BCAS3: variants seen among roughly 807,000 people sequenced by gnomAD.
BCAS3 encodes the protein BCAS4/BCAS3 fusion.
BCAS3 carries 53 observed loss-of-function variants against 116.1 expected under a neutral mutation model. The observed-to-expected ratio is 0.46, with a 90% CI of 0.37 to 0.57. The LOEUF is 0.57. Among genes scored for constraint, BCAS3 ranks in the 20% least tolerant of loss-of-function variants. The probability of loss-of-function intolerance (pLI) is 0.00; values close to 1 mark genes in which losing one functional copy is unlikely to be tolerated. For synonymous variants in BCAS3, 391 were observed against 408.2 expected (o/e 0.96, Z 0.51); for missense variants, 917 against 1,165.4 (o/e 0.79, Z 3.10).
intron 13 of BCAS3, among the ~76,000 whole-genome samples, chr17:60,941,295 G>A (rs1258855453): frequency 1.3e-5 from 2 of 152,138 alleles, no homozygotes; most frequent in African/African-American, 4.8e-5. Context: ...TTGGGGCGTG[G>A]GTTTAGTTTA....
At chr17:60,821,033 G>A (rs1302610767) in intron 7 of BCAS3, among the ~76,000 whole-genome samples, 3 of 152,090 alleles carry the variant, frequency 2.0e-5, no homozygotes, top group Non-Finnish European at 4.4e-5. Context: ...TGCAACCTCC[G>A]CCTCCCGGGT....
At chr17:60,863,444 G>A (rs1402911493) in intron 7 of BCAS3, among the ~76,000 whole-genome samples, 1 of 151,920 alleles carries the variant, frequency 6.6e-6, no homozygotes, top group Non-Finnish European at 1.5e-5. Context: ...TGGTTTCCCA[G>A]TGCATATAAA....
In BCAS3 at chr17:60,683,842, AAAACAAAAC is replaced by A. The variant is rs534497379; in HGVS notation, c.84-131_84-123del. 3,691 of 762,496 alleles carry A rather than the reference AAAACAAAAC, an allele frequency of 4.8e-3. 14 individuals are homozygous for A. Among genetic ancestry groups the A allele is most frequent in the Non-Finnish European group, 6.5e-3 (3,083 of 474,510 alleles). 47.2% of individuals were successfully genotyped at this position (762,496 alleles called of 1,614,324 possible). ...GTGAAACCTTGTCTCAAAACAAAAC[AAAACAAAAC>A]AAACAAAAAAACCCCAAAAAACAAA... is the stretch of plus-strand genomic sequence containing the variant. On this transcript the variant is annotated intron_variant, in intron 2 of 23. Coordinates refer to ENST00000407086, the MANE Select transcript of BCAS3 (RefSeq NM_017679.5).
intron 13 of BCAS3, among the ~76,000 whole-genome samples, chr17:60,936,668 T>G (rs1218314580): frequency 2.6e-5 from 4 of 152,362 alleles, no homozygotes; most frequent in South Asian, 2.1e-4. Flanking sequence ...TTTTGAGAAG[T>G]GTCTGTTCAT....
chr17:61,262,996 A>G (rs7208867), intron 22 of BCAS3, among the ~76,000 whole-genome samples: 19,953 of 152,232 alleles, frequency 0.13, 2,211 homozygotes, highest in African/African-American at 0.31. Context: ...CTGGCCCAGG[A>G]GACTTAATAT....
intron 6 of BCAS3, among the ~76,000 whole-genome samples, chr17:60,778,400 T>C (rs1416840307): frequency 2.0e-5 from 3 of 152,220 alleles, no homozygotes; most frequent in Non-Finnish European, 4.4e-5. Flanking sequence ...ATTCATATGC[T>C]TGTTTCAATT....
At chr17:60,998,190 T>C (rs779259080) in intron 15 of BCAS3, among the ~76,000 whole-genome samples, 12 of 152,222 alleles carry the variant, frequency 7.9e-5, no homozygotes, top group Non-Finnish European at 1.2e-4. Context: ...TCTTTTTTTA[T>C]GGCTGCATAG....
At chr17:60,702,588 A>G (rs924556976) in intron 4 of BCAS3, among the ~76,000 whole-genome samples, 5 of 152,030 alleles carry the variant, frequency 3.3e-5, no homozygotes, top group African/African-American at 1.2e-4. Flanking sequence ...TAAAAAAGAA[A>G]AGGAATTTTT....
chr17:60,678,066 C>T (rs1264522713), intron 1 of BCAS3, among the ~76,000 whole-genome samples, 152 bp downstream of exon 1: 1 of 152,086 alleles, frequency 6.6e-6, no homozygotes. Context: ...GGCCGGAGGG[C>T]GGCCGGGGGC....
At chr17:61,010,025 TTGTC>T (rs1234850083) in intron 15 of BCAS3, among the ~76,000 whole-genome samples, 1 of 151,928 alleles carries the variant, frequency 6.6e-6, no homozygotes, top group African/African-American at 2.4e-5. Flanking sequence ...TGTTTTTACT[TTGTC>T]TGCAGGGATT....
intron 22 of BCAS3, among the ~76,000 whole-genome samples, chr17:61,157,085 G>A (rs571139984): frequency 7.2e-5 from 11 of 152,214 alleles, no homozygotes; most frequent in African/African-American, 2.6e-4. Context: ...TGTTTGGGAT[G>A]GATTAATTTT....
Position 61,346,930 on chromosome 17 carries a change from A to C in BCAS3, c.2426-21397A>C, listed in dbSNP as rs1340985726. ...TCTGCAGAAGGCAGTTCGTCATGTC[A>C]CTTGGTCACTTGGCACCTCTTCTCA... On this transcript the variant is annotated intron_variant, in intron 22 of 23. Coordinates refer to ENST00000407086, the MANE Select transcript of BCAS3 (RefSeq NM_017679.5). This position sits in a 1 kb window ranked among gnomAD's most constrained non-coding sequence, Gnocchi z 5.4. Among the ~76,000 whole-genome samples, 1 of 152,192 alleles carries C rather than the reference A, an allele frequency of 6.6e-6. No homozygotes were observed. Among genetic ancestry groups the C allele is most frequent in the Non-Finnish European group, 1.5e-5 (1 of 68,038 alleles).
rs186999369 is a variant in BCAS3 at position 61,032,626 on chromosome 17, T to C, written c.1638-2040T>C. 3.0e-4 allele frequency among the ~76,000 whole-genome samples: 45 copies of C among 152,238 alleles called. 1 individual carries two copies. The highest frequency in any genetic ancestry group is 1.0e-3 in the African/African-American group (42 of 41,562). Reference sequence around the variant, plus strand: ...GACCCAGATATCATGGGAAGGTGCATATTTGTTCAGGTATAGGGCAGAGAA... The same window carrying C: ...GACCCAGATATCATGGGAAGGTGCACATTTGTTCAGGTATAGGGCAGAGAA... On this transcript the variant is annotated intron_variant, in intron 16 of 23. Coordinates refer to ENST00000407086, the MANE Select transcript of BCAS3 (RefSeq NM_017679.5). The surrounding 1 kb of genome is among the most constrained non-coding windows in gnomAD (Gnocchi z 4.6).
chr17:60,739,231 C>G (rs1192269781), intron 5 of BCAS3, among the ~76,000 whole-genome samples: 2 of 152,172 alleles, frequency 1.3e-5, no homozygotes, highest in Non-Finnish European at 2.9e-5. Flanking sequence ...TATATACACA[C>G]ACAATACCAC....
At chr17:60,816,343 C>T (rs2049403138) in intron 7 of BCAS3, among the ~76,000 whole-genome samples, 1 of 147,956 alleles carries the variant, frequency 6.8e-6, no homozygotes, top group Non-Finnish European at 1.5e-5. Flanking sequence ...GGCGTGATCT[C>T]AGCTCACGGC....
chr17:60,904,692 G>A (rs1434758836), intron 11 of BCAS3, among the ~76,000 whole-genome samples: 1 of 152,168 alleles, frequency 6.6e-6, no homozygotes, highest in Non-Finnish European at 1.5e-5. Context: ...AATTATCTGA[G>A]TGTGATGGTA....
intron 21 of BCAS3, among the ~76,000 whole-genome samples, chr17:61,081,060 G>T (rs1312463467): frequency 6.6e-6 from 1 of 152,178 alleles, no homozygotes; most frequent in Non-Finnish European, 1.5e-5. Flanking sequence ...TCAATTCTTT[G>T]CAGTCCTCAA....
In BCAS3 at chr17:60,855,904, A is replaced by T. The variant is rs376924140; in HGVS notation, c.477-12672A>T. ...ACCATGTTGTCAAGGCTGGTCTCGA[A>T]CTCCTGAGCTCAAGTGATCCCGCCT... On this transcript the variant is annotated intron_variant, in intron 7 of 23. Coordinates refer to ENST00000407086, the MANE Select transcript of BCAS3 (RefSeq NM_017679.5). Among the ~76,000 whole-genome samples the T allele has an allele frequency of 6.3e-4, 96 of 151,886 alleles. 1 individual carries two copies. The East Asian group carries it at 9.9e-3, about 16-fold the overall frequency.
chr17:60,898,378 G>C (rs563385663), intron 10 of BCAS3, among the ~76,000 whole-genome samples: 2 of 152,158 alleles, frequency 1.3e-5, no homozygotes, highest in South Asian at 4.1e-4. Flanking sequence ...TATTAATGAA[G>C]ATATATCTAT....
Sources: gnomAD v4.1 joint callset for allele counts (sites outside exome capture counted in the v4.1 genomes callset) on GRCh38, gnomAD v4.1.1 for gene constraint, Gnocchi (gnomAD v3.1) non-coding constraint, MANE v1.5 for transcripts, NCBI Gene and HGNC (gene_info 2026-07-23, HGNC 2026-07-21) for gene names.